Variants in RAPGEF2 observed in about 807,000 individuals in gnomAD.
The protein encoded by RAPGEF2 is Rap guanine nucleotide exchange factor 2.
RAPGEF2 carries 54 observed loss-of-function variants against 186.7 expected under a neutral mutation model. The ratio of observed to expected loss-of-function variants is 0.29; its 90% CI spans 0.23 to 0.36. RAPGEF2 has a LOEUF of 0.36. RAPGEF2 is among the 10% of genes least tolerant of loss of function. The pLI is 1.00. For missense variants in RAPGEF2, 1,532 were observed against 2,045.0 expected (o/e 0.75, Z 4.84); for synonymous variants, 712 against 705.9 (o/e 1.01, Z -0.14).
Position 159,219,378 on chromosome 4 carries a change from C to T in RAPGEF2, c.281+8795C>T, listed in dbSNP as rs184632095. 4.6e-3 allele frequency among the ~76,000 whole-genome samples: 429 copies of T among 92,900 alleles called. 3 individuals are homozygous for T. The highest frequency in any genetic ancestry group is 0.02 in the African/African-American group (397 of 20,304). 60.9% of individuals were successfully genotyped at this position (92,900 alleles called of 152,430 possible). A position where few individuals can be genotyped will look rare whatever the true frequency, so the allele number is the denominator to read the frequency against. ...TTTTTTTTTTTTTTTTTTTTTGAGA[C>T]GGAGTCTTGCTCTGTTGCTCAGGCT... On this transcript the variant is annotated intron_variant, in intron 4 of 29. Transcript: ENST00000691494.
At chr4:159,225,583 A>G (rs989889494) in intron 4 of RAPGEF2, among the ~76,000 whole-genome samples, 7 of 152,190 alleles carry the variant, frequency 4.6e-5, no homozygotes, top group Non-Finnish European at 1.0e-4. Context: ...CAGTGGCTAT[A>G]ACATTTTTTA....
intron 1 of RAPGEF2, among the ~76,000 whole-genome samples, chr4:159,150,756 C>T (rs1397035200): frequency 1.3e-5 from 2 of 152,146 alleles, no homozygotes; most frequent in Non-Finnish European, 2.9e-5. Flanking sequence ...TAAATTTTAG[C>T]AAGTAGGCAA....
chr4:159,221,750 C>G (rs1249672648), intron 4 of RAPGEF2, among the ~76,000 whole-genome samples: 1 of 152,138 alleles, frequency 6.6e-6, no homozygotes, highest in Non-Finnish European at 1.5e-5. Context: ...TCCTATTTGT[C>G]CTACTGAAAG....
At chr4:159,322,275 A>C in intron 9 of RAPGEF2, 72 bp from the exon 10 acceptor site, 1 of 1,457,768 alleles carries the variant, frequency 6.9e-7, no homozygotes, top group Non-Finnish European at 9.5e-7. Flanking sequence ...AAAGGACCCT[A>C]AAACATTCTT....
At chr4:159,118,439 A>G (rs1048310468) in intron 1 of RAPGEF2, among the ~76,000 whole-genome samples, 61 of 152,158 alleles carry the variant, frequency 4.0e-4, no homozygotes, top group African/African-American at 9.7e-5. Context: ...ACAATGTAAT[A>G]CAGAAATGAA....
At chr4:159,228,484 T>C (rs975215961) in intron 4 of RAPGEF2, 32 of 152,200 alleles carry the variant, frequency 2.1e-4, no homozygotes, top group Non-Finnish European at 4.4e-5. Flanking sequence ...GGCCTTCGTA[T>C]TGTATAATAA....
At chr4:159,331,368 A>G in intron 13 of RAPGEF2, 63 bp from the exon 14 acceptor site, 1 of 938,786 alleles carries the variant, frequency 1.1e-6, no homozygotes, top group South Asian at 1.7e-5. Context: ...TCTTTTCTGG[A>G]ATGATTTTAA....
chr4:159,181,575 CTTTT>C (rs531646826), intron 1 of RAPGEF2, among the ~76,000 whole-genome samples: 48 of 121,360 alleles, frequency 4.0e-4, no homozygotes, highest in Middle Eastern at 4.5e-3. Flanking sequence ...GGAAGACAGT[CTTTT>C]TTTTTTTTTT....
intron 3 of RAPGEF2, among the ~76,000 whole-genome samples, chr4:159,208,790 A>G (rs926278296): frequency 6.6e-6 from 1 of 152,212 alleles, no homozygotes. Context: ...ACCAAGTCCA[A>G]GGGTAAGCAG....
intron 1 of RAPGEF2, among the ~76,000 whole-genome samples, chr4:159,185,942 A>G (rs1747510217): frequency 1.3e-5 from 2 of 152,136 alleles, no homozygotes; most frequent in Admixed American, 6.5e-5. Flanking sequence ...TGATGTCAGA[A>G]ACTATGTGTA....
intron 3 of RAPGEF2, among the ~76,000 whole-genome samples, chr4:159,204,831 C>G (rs1749803562): frequency 6.6e-6 from 1 of 152,130 alleles, no homozygotes; most frequent in South Asian, 2.1e-4. Context: ...GTGAATTCCC[C>G]TGATTAGAGA....
At chr4:159,295,381 C>T (rs930578527) in intron 7 of RAPGEF2, among the ~76,000 whole-genome samples, 2 of 152,008 alleles carry the variant, frequency 1.3e-5, no homozygotes, top group African/African-American at 2.4e-5. Flanking sequence ...ATGCAGAGTG[C>T]ATGCCTGTGT....
chr4:159,350,227 T>A lies in RAPGEF2; in HGVS notation c.3803T>A (p.Ile1268Lys). ...CACAAGAAACAGGCTGAAGATACAA[T>A]ATCAAATGCATCTTCGCAGCTTTCT... ...ERHKKQAEDT[I>K]SNASSQLSSP... is the part of the protein sequence containing the mutation. The change falls in exon 26 of 30, where the codon ATA becomes AAA. Residue 1268 changes from isoleucine to lysine, a missense_variant. Ile to Lys is a moderately radical substitution (Grantham distance 102). Transcript: ENST00000691494. 6.2e-7 allele frequency: 1 copy of A among 1,601,212 alleles called. No individual in the cohort carries two copies. Among genetic ancestry groups the A allele is most frequent in the Non-Finnish European group, 8.5e-7 (1 of 1,173,864 alleles).
rs557677998 is a variant in RAPGEF2 at position 159,182,295 on chromosome 4, A to G, written c.70-4347A>G. Among the ~76,000 whole-genome samples, 85 of 152,268 alleles carry G rather than the reference A, an allele frequency of 5.6e-4. No individual in the cohort carries two copies. In the South Asian group the frequency reaches 0.01, roughly 18 times the overall value. ...AAATTGGAATGACTTAAAATTATAA[A>G]TCATGTCTTAACATACCATAACATT... On this transcript the variant is annotated intron_variant, in intron 1 of 29. Coordinates refer to ENST00000691494, the MANE Select transcript of RAPGEF2 (RefSeq NM_001394067.2).
intron 7 of RAPGEF2, among the ~76,000 whole-genome samples, chr4:159,303,211 A>G (rs1480656893): frequency 6.6e-6 from 1 of 152,138 alleles, no homozygotes; most frequent in Non-Finnish European, 1.5e-5. Flanking sequence ...ATTGTCGTAA[A>G]TCCAAACTGT....
At chr4:159,237,033 C>G (rs765837457) in intron 4 of RAPGEF2, among the ~76,000 whole-genome samples, 9 of 152,008 alleles carry the variant, frequency 5.9e-5, no homozygotes, top group Non-Finnish European at 1.2e-4. Flanking sequence ...ACTTTTTCTT[C>G]TTTTCAAGAC....
At chr4:159,351,267 C>T in intron 26 of RAPGEF2, 1 of 1,358,088 alleles carries the variant, frequency 7.4e-7, no homozygotes, top group Non-Finnish European at 9.8e-7. Context: ...CTCCAAATGT[C>T]AAGTGCTCCA....
At position 159,353,484 on chromosome 4, in the gene RAPGEF2, T is replaced by G. The variant is rs965506157; in HGVS notation, c.4092-3T>G. 1 of 1,457,472 alleles carries G rather than the reference T, an allele frequency of 6.9e-7. No homozygotes were observed. The highest frequency in any genetic ancestry group is 9.1e-7 in the Non-Finnish European group (1 of 1,104,280). The allele number at this position is 1,457,472 out of a possible 1,614,324, so 90.3% of individuals were successfully genotyped here. A position where few individuals can be genotyped will look rare whatever the true frequency, so the allele number is the denominator to read the frequency against. On this transcript the variant is annotated splice_region_variant and splice_polypyrimidine_tract_variant and intron_variant, in intron 27 of 29. Coordinates refer to ENST00000691494, the MANE Select transcript of RAPGEF2 (RefSeq NM_001394067.2). The surrounding 1 kb of genome is among the most constrained non-coding windows in gnomAD (Gnocchi z 4.3). Reference sequence around the variant, plus strand: ...TTCTTTTCCATTTCTTTTAACCACTTAGGTCCTATGCACCAATGTCCGAGG... The same window carrying G: ...TTCTTTTCCATTTCTTTTAACCACTGAGGTCCTATGCACCAATGTCCGAGG...
intron 1 of RAPGEF2, among the ~76,000 whole-genome samples, chr4:159,138,703 T>A (rs954071332): frequency 6.6e-6 from 1 of 152,204 alleles, no homozygotes; most frequent in African/African-American, 2.4e-5. Context: ...TTTGAAATTA[T>A]ATATTGAGTT....
Sources: gnomAD v4.1 joint callset for allele counts (sites outside exome capture counted in the v4.1 genomes callset) on GRCh38, gnomAD v4.1.1 for gene constraint, Gnocchi (gnomAD v3.1) non-coding constraint, MANE v1.5 for transcripts, NCBI Gene and HGNC (gene_info 2026-07-23, HGNC 2026-07-21) for gene names.